The following NFIB variants were observed in gnomAD, a reference collection of about 807,000 sequenced individuals.
NFIB encodes the protein nuclear factor I B.
A neutral mutation model predicts 61.5 loss-of-function variants in NFIB; 11 were observed. The observed-to-expected ratio is 0.18, with a 90% confidence interval of 0.11 to 0.30. The LOEUF is 0.30. Among genes scored for constraint, NFIB ranks in the 10% least tolerant of loss-of-function variants. NFIB has a pLI of 1.00. For missense variants in NFIB, 471 were observed against 608.9 expected (o/e 0.77, Z 2.38); for synonymous variants, 260 against 216.5 (o/e 1.20, Z -1.76).
chr9:14,454,530 T>C, the NFIB span, among the ~76,000 whole-genome samples: 1 of 152,252 alleles, frequency 6.6e-6, no homozygotes, highest in African/African-American at 2.4e-5. Context: ...CTAGACTATG[T>C]TGCCTTACCT....
chr9:14,450,553 C>T, the NFIB span, among the ~76,000 whole-genome samples: 2 of 152,116 alleles, frequency 1.3e-5, no homozygotes, highest in South Asian at 4.1e-4. Flanking sequence ...CTGTGTACTC[C>T]GATCTTTACT....
intron 2 of NFIB, among the ~76,000 whole-genome samples, chr9:14,192,271 T>C (rs995561550): frequency 6.6e-6 from 1 of 152,212 alleles, no homozygotes; most frequent in Non-Finnish European, 1.5e-5. Flanking sequence ...ATGACAGAAA[T>C]GTATAAACTA....
intron 3 of NFIB, among the ~76,000 whole-genome samples, chr9:14,169,146 CT>C (rs2045273777): frequency 6.6e-6 from 1 of 152,140 alleles, no homozygotes; most frequent in South Asian, 2.1e-4. Context: ...GAAAACATTA[CT>C]GCAAAATACA....
At chr9:14,181,290 G>C (rs1259394766) in intron 2 of NFIB, among the ~76,000 whole-genome samples, 1 of 152,062 alleles carries the variant, frequency 6.6e-6, no homozygotes, top group South Asian at 2.1e-4. Context: ...ATCTTGGCAG[G>C]CATATTTAGT....
chr9:14,221,006 C>T (rs2131831345), intron 2 of NFIB, among the ~76,000 whole-genome samples: 1 of 152,216 alleles, frequency 6.6e-6, no homozygotes, highest in East Asian at 1.9e-4. Flanking sequence ...CTGAACTCCT[C>T]TAAGGCCTCC....
intron 3 of NFIB, among the ~76,000 whole-genome samples, chr9:14,164,923 G>A (rs1163140236): frequency 6.6e-6 from 1 of 152,054 alleles, no homozygotes. Context: ...GCAAAGTTTG[G>A]GAATCACTAT....
the NFIB span, among the ~76,000 whole-genome samples, chr9:14,437,246 G>GA: frequency 6.6e-6 from 1 of 152,236 alleles, no homozygotes; most frequent in South Asian, 2.1e-4. Flanking sequence ...AAGTGTGCAG[G>GA]AAAAAACACC....
At chr9:14,260,738 T>C (rs2056672052) in intron 2 of NFIB, among the ~76,000 whole-genome samples, 1 of 152,196 alleles carries the variant, frequency 6.6e-6, no homozygotes, top group African/African-American at 2.4e-5. Flanking sequence ...TCCTACCATC[T>C]TGACAACCAA....
chr9:14,409,043 T>A, the NFIB span, among the ~76,000 whole-genome samples: 1 of 152,174 alleles, frequency 6.6e-6, no homozygotes, highest in African/African-American at 2.4e-5. Flanking sequence ...TGCCTAGTGA[T>A]ATACTGGTAC....
chr9:14,404,697 T>C, the NFIB span, among the ~76,000 whole-genome samples: 1 of 152,168 alleles, frequency 6.6e-6, no homozygotes, highest in Admixed American at 6.5e-5. Context: ...ACTCTACAAA[T>C]CTGCTTTGGG....
At chr9:14,519,893 T>C in the NFIB span, among the ~76,000 whole-genome samples, 5 of 152,200 alleles carry the variant, frequency 3.3e-5, no homozygotes, top group African/African-American at 1.2e-4. Flanking sequence ...CATAATGCTA[T>C]TCTTCCTCTC....
intron 1 of NFIB, among the ~76,000 whole-genome samples, chr9:14,312,551 G>A (rs987620587): frequency 3.9e-5 from 6 of 152,182 alleles, no homozygotes; most frequent in African/African-American, 1.4e-4. Context: ...CCTGGGCAGC[G>A]ATGAAAACTG....
chr9:14,253,103 A>T (rs968168607), intron 2 of NFIB, among the ~76,000 whole-genome samples: 1 of 152,216 alleles, frequency 6.6e-6, no homozygotes, highest in African/African-American at 2.4e-5. Context: ...ATCTGCAACA[A>T]CTTCAAAGCC....
chr9:14,526,789 G>C, the NFIB span, among the ~76,000 whole-genome samples: 4 of 152,112 alleles, frequency 2.6e-5, no homozygotes, highest in African/African-American at 7.2e-5. Flanking sequence ...TTGTTGACTA[G>C]TCTCTAAACT....
At chr9:14,336,520 C>T (rs1048948589) in intron 1 of NFIB, among the ~76,000 whole-genome samples, 1 of 152,210 alleles carries the variant, frequency 6.6e-6, no homozygotes, top group African/African-American at 2.4e-5. Context: ...CCAGGCATTG[C>T]TGGGTGTTTT....
intron 1 of NFIB, among the ~76,000 whole-genome samples, chr9:14,384,288 T>C (rs1194523107): frequency 2.0e-5 from 3 of 152,190 alleles, no homozygotes; most frequent in Non-Finnish European, 4.4e-5. Context: ...CAGATGTACA[T>C]ATTTGGCTCT....
In NFIB at chr9:14,122,701, C is replaced by T. The variant is rs548176902; in HGVS notation, c.1061-2077G>A. Among the ~76,000 whole-genome samples, 25 of 152,228 alleles carry T rather than the reference C, an allele frequency of 1.6e-4. No individual in the cohort carries two copies. The South Asian group carries it at 3.1e-3, about 19-fold the overall frequency. On this transcript the variant is annotated intron_variant, in intron 7 of 10. Transcript: ENST00000380953. ...ATTTTTGCTCACATCTGTACACAAA[C>T]CCTGGAAAGATATATACATAGTTCC...
chr9:14,152,286 T>C (rs1381803417), intron 4 of NFIB, among the ~76,000 whole-genome samples: 1 of 152,124 alleles, frequency 6.6e-6, no homozygotes, highest in African/African-American at 2.4e-5. Context: ...ACTAAGTGCC[T>C]GATGGCTTGA....
chr9:14,356,682 G>C (rs894063239), intron 1 of NFIB, among the ~76,000 whole-genome samples: 6 of 152,184 alleles, frequency 3.9e-5, no homozygotes, highest in African/African-American at 1.2e-4. Flanking sequence ...TCCTCAGCTG[G>C]GGTGAGTTAG....
Sources: allele counts gnomAD v4.1 joint callset (sites outside exome capture counted in the v4.1 genomes callset), GRCh38; gene constraint gnomAD v4.1.1; transcripts MANE v1.5; gene names NCBI Gene and HGNC (gene_info 2026-07-23, HGNC 2026-07-21).